The following FRMD6 variants were observed in gnomAD, a reference collection of about 807,000 sequenced individuals.
FRMD6 encodes FERM domain containing 6, also known as FERM domain-containing protein 6.
Under a neutral mutation model 73.2 loss-of-function variants are expected in FRMD6, and 37 were observed. That is an observed-to-expected ratio of 0.51 (90% CI 0.39 to 0.66). FRMD6 has a LOEUF of 0.66. Among genes scored for constraint, FRMD6 ranks in the 30% least tolerant of loss-of-function variants. FRMD6 has a pLI of 0.00. For synonymous variants in FRMD6, 273 were observed against 282.2 expected, an observed-to-expected ratio of 0.97 and a Z score of 0.33; for missense variants, 714 against 780.5, an observed-to-expected ratio of 0.91 and a Z score of 1.02.
At chr14:51,456,700 C>T in the FRMD6 span, among the ~76,000 whole-genome samples, 8 of 152,174 alleles carry the variant, frequency 5.3e-5, no homozygotes, top group East Asian at 1.2e-3. Context: ...GATCTCCACT[C>T]CCGCATTTAT....
At chr14:51,493,204 TC>T (rs1883113904) in intron 1 of FRMD6, among the ~76,000 whole-genome samples, 1 of 152,212 alleles carries the variant, frequency 6.6e-6, no homozygotes, top group Non-Finnish European at 1.5e-5. Context: ...TCTATTTGTA[TC>T]ACTTTAGATT....
chr14:51,408,889 G>T, the FRMD6 span, among the ~76,000 whole-genome samples: 37 of 152,156 alleles, frequency 2.4e-4, no homozygotes, highest in Non-Finnish European at 4.0e-4. Flanking sequence ...TCATCAGAGA[G>T]AATTGATTTC....
the FRMD6 span, among the ~76,000 whole-genome samples, chr14:51,408,990 T>C: frequency 6.6e-6 from 1 of 152,326 alleles, no homozygotes; most frequent in East Asian, 1.9e-4. Context: ...CGTGAAGGTA[T>C]ACAAAATCTA....
At chr14:51,480,393 G>A in the FRMD6 span, among the ~76,000 whole-genome samples, 3 of 152,172 alleles carry the variant, frequency 2.0e-5, no homozygotes, top group African/African-American at 7.2e-5. Context: ...AACGAATTGG[G>A]AAAGAATATG....
At chr14:51,424,765 C>T in the FRMD6 span, among the ~76,000 whole-genome samples, 1 of 152,084 alleles carries the variant, frequency 6.6e-6, no homozygotes, top group Non-Finnish European at 1.5e-5. Flanking sequence ...GGCTATTTAG[C>T]AACAATCAAC....
chr14:51,720,390 G>A lies in FRMD6; in HGVS notation c.1360G>A (p.Glu454Lys). 6.2e-7 allele frequency: 1 copy of A among 1,611,598 alleles called. No individual in the cohort carries two copies. Among genetic ancestry groups the A allele is most frequent in the Non-Finnish European group, 8.5e-7 (1 of 1,178,666 alleles). ...DRLEEDLQDD[E>K]IEMLVDDPRD... ...GCTGGAAGAGGACTTACAGGACGAT[G>A]GTAACAGTACTGTCCCCTCACTGGC... Residue 454 changes from glutamate (E) to lysine (K), a missense_variant and splice_region_variant, in exon 11 of 14, where the codon GAA becomes AAA. Coordinates refer to ENST00000344768, the MANE Select transcript of FRMD6 (RefSeq NM_001267046.2).
At chr14:51,444,230 T>C in the FRMD6 span, among the ~76,000 whole-genome samples, 8 of 152,126 alleles carry the variant, frequency 5.3e-5, no homozygotes, top group Admixed American at 6.5e-5. Context: ...CGCCCAGCAG[T>C]GGGTTTTTAT....
chr14:51,484,731 T>C (rs1882729751), upstream of FRMD6, among the ~76,000 whole-genome samples: 1 of 152,254 alleles, frequency 6.6e-6, no homozygotes, highest in South Asian at 2.1e-4. Context: ...AATGCAGTTT[T>C]TAGCTTTCCG....
intron 1 of FRMD6, chr14:51,489,520 A>C (rs887373311): frequency 6.6e-6 from 1 of 152,406 alleles, no homozygotes; most frequent in Non-Finnish European, 1.5e-5. Context: ...AGAATCATCG[A>C]AGGGTTTAAA....
intron 3 of FRMD6, among the ~76,000 whole-genome samples, chr14:51,700,173 G>C (rs992720750): frequency 5.9e-5 from 9 of 151,902 alleles, no homozygotes; most frequent in African/African-American, 2.2e-4. Context: ...CCGTGAAGAT[G>C]TCTCCTTAGT....
intron 2 of FRMD6, among the ~76,000 whole-genome samples, chr14:51,595,662 A>G (rs1889673978): frequency 6.6e-6 from 1 of 152,220 alleles, no homozygotes; most frequent in Admixed American, 6.5e-5. Context: ...GGAAAAGCCA[A>G]TTAATGAGGA....
chr14:51,457,716 G>T, the FRMD6 span, among the ~76,000 whole-genome samples: 10 of 152,262 alleles, frequency 6.6e-5, no homozygotes, highest in African/African-American at 2.4e-4. Context: ...CTAATCAATA[G>T]GTCAGAGAAT....
chr14:51,508,903 C>G (rs974737480), intron 1 of FRMD6, among the ~76,000 whole-genome samples: 1 of 148,054 alleles, frequency 6.8e-6, no homozygotes, highest in Admixed American at 6.6e-5. Context: ...TGTTTCTTTC[C>G]TTCCCAGACT....
intron 10 of FRMD6, 84 bp downstream of exon 10, chr14:51,715,583 A>G: frequency 8.4e-7 from 1 of 1,196,576 alleles, no homozygotes; most frequent in Non-Finnish European, 1.1e-6. Flanking sequence ...TTGAGCTCCT[A>G]CAGAATTGGA....
chr14:51,507,127 C>G (rs1376724454), intron 1 of FRMD6, among the ~76,000 whole-genome samples: 1 of 135,424 alleles, frequency 7.4e-6, no homozygotes, highest in Non-Finnish European at 1.5e-5. Flanking sequence ...CACACACACA[C>G]ACACACACAC....
rs756317898 is a variant in FRMD6, at chr14:51,702,501, T to A, written c.295-11T>A. ...AAATAGCTTGATTTTTGTGTGTGCTTTTGTTTCTAGGGTATCGACCAATTT... is the reference window on the plus strand; with the variant it reads ...AAATAGCTTGATTTTTGTGTGTGCTATTGTTTCTAGGGTATCGACCAATTT... On this transcript the variant is annotated splice_polypyrimidine_tract_variant and intron_variant, in intron 4 of 13. Coordinates refer to ENST00000344768, the MANE Select transcript of FRMD6 (RefSeq NM_001267046.2). 3.7e-6 allele frequency: 6 copies of A among 1,609,278 alleles called. No individual in the cohort carries two copies. The East Asian group carries it at 1.3e-4, about 36-fold the overall frequency.
At position 51,550,775 on chromosome 14, in the gene FRMD6, C is replaced by G. The variant is rs117422795; in HGVS notation, c.-209-19573C>G. On this transcript the variant is annotated intron_variant, in intron 1 of 14. Coordinates refer to the FRMD6 transcript ENST00000356218. Reference sequence around the variant, plus strand: ...CATCATGTCTGTGAAATACATTGTACAGTGCGTGACAGGGAGTCAGCATTC... The same window carrying G: ...CATCATGTCTGTGAAATACATTGTAGAGTGCGTGACAGGGAGTCAGCATTC... Among the ~76,000 whole-genome samples, 9 of 152,318 alleles carry G rather than the reference C, an allele frequency of 5.9e-5. No homozygotes were observed. The East Asian group carries it at 1.5e-3, about 26-fold the overall frequency.
chr14:51,681,213 C>T (rs1358228931), intron 1 of FRMD6, among the ~76,000 whole-genome samples: 1 of 152,176 alleles, frequency 6.6e-6, no homozygotes, highest in Non-Finnish European at 1.5e-5. Context: ...AGGTTAACCT[C>T]ATTGGTTAAA....
chr14:51,543,657 A>G (rs1005988434), intron 1 of FRMD6, among the ~76,000 whole-genome samples: 7 of 152,064 alleles, frequency 4.6e-5, no homozygotes, highest in Admixed American at 1.3e-4. Flanking sequence ...TAGATGCTGA[A>G]AAGATTATAC....
Sources: allele counts gnomAD v4.1 joint callset (sites outside exome capture counted in the v4.1 genomes callset), GRCh38; gene constraint gnomAD v4.1.1; transcripts MANE v1.5; gene names NCBI Gene and HGNC (gene_info 2026-07-23, HGNC 2026-07-21).